FAT3: variants seen among roughly 807,000 people sequenced by gnomAD.
FAT3 encodes the protein protocadherin Fat 3.
Under a neutral mutation model 310.2 loss-of-function variants are expected in FAT3, and 95 were observed. The ratio of observed to expected loss-of-function variants is 0.31; its 90% CI spans 0.26 to 0.36. The LOEUF (loss-of-function observed/expected upper bound fraction) is 0.36. Among genes scored for constraint, FAT3 ranks in the 10% least tolerant of loss-of-function variants. The pLI is 1.00. For synonymous variants in FAT3, 2,314 were observed against 2,192.9 expected, an observed-to-expected ratio of 1.06 and a Z score of -1.54; for missense variants, 5,408 against 5,715.6, an observed-to-expected ratio of 0.95 and a Z score of 1.74.
intron 1 of FAT3, among the ~76,000 whole-genome samples, chr11:92,349,908 C>T (rs1948517095): frequency 6.6e-6 from 1 of 151,570 alleles, no homozygotes; most frequent in Admixed American, 6.6e-5. Context: ...AGATATCTTA[C>T]ATTCCCAGGC....
intron 1 of FAT3, among the ~76,000 whole-genome samples, 112 bp downstream of exon 1, chr11:92,225,286 G>C (rs1268759959): frequency 6.6e-6 from 1 of 152,184 alleles, no homozygotes; most frequent in Non-Finnish European, 1.5e-5. Context: ...AGGTGGGCTG[G>C]GGAGGCGAGA....
chr11:92,236,997 C>T (rs1459771145), intron 1 of FAT3, among the ~76,000 whole-genome samples: 3 of 150,778 alleles, frequency 2.0e-5, no homozygotes, highest in Non-Finnish European at 1.5e-5. Context: ...CGTTTTTTCC[C>T]TATTAACTCA....
At chr11:92,758,897 G>A (rs1946072729) in intron 4 of FAT3, among the ~76,000 whole-genome samples, 1 of 152,158 alleles carries the variant, frequency 6.6e-6, no homozygotes, top group African/African-American at 2.4e-5. Flanking sequence ...AGATAGGGGT[G>A]CCATTTATTA....
At chr11:92,583,554 T>TC (rs1367251615) in intron 3 of FAT3, among the ~76,000 whole-genome samples, 1 of 151,370 alleles carries the variant, frequency 6.6e-6, no homozygotes, top group East Asian at 2.0e-4. Flanking sequence ...GGCCTCCTTG[T>TC]CCCCCATTCT....
chr11:92,752,952 G>A (rs944626850), intron 4 of FAT3, among the ~76,000 whole-genome samples: 2 of 152,302 alleles, frequency 1.3e-5, no homozygotes, highest in South Asian at 4.2e-4. Flanking sequence ...AATCATCTGA[G>A]AGATAATTAT....
intron 5 of FAT3, 102 bp from the exon 6 acceptor site, chr11:92,764,777 T>C: frequency 9.6e-7 from 1 of 1,046,922 alleles, no homozygotes; most frequent in Non-Finnish European, 1.4e-6. Flanking sequence ...GCTGACACTG[T>C]GTTGAAGATG....
intron 1 of FAT3, among the ~76,000 whole-genome samples, chr11:92,247,669 A>G (rs1864974190): frequency 6.6e-6 from 1 of 150,570 alleles, no homozygotes; most frequent in African/African-American, 2.4e-5. Context: ...TCAACTCTGT[A>G]TTATGGCTGA....
chr11:92,229,111 A>G (rs1864039816), intron 1 of FAT3, among the ~76,000 whole-genome samples: 1 of 152,242 alleles, frequency 6.6e-6, no homozygotes, highest in Admixed American at 6.5e-5. Flanking sequence ...TAGAGTTAGC[A>G]GAGCCTCTGA....
At chr11:92,857,124 G>A in intron 19 of FAT3, 90 bp from the exon 20 acceptor site, 2 of 1,589,500 alleles carry the variant, frequency 1.3e-6, no homozygotes, top group South Asian at 1.1e-5. Flanking sequence ...TGAGCCATTT[G>A]TGTGTTCCCT....
At chr11:92,510,187 T>G (rs1165680765) in intron 2 of FAT3, among the ~76,000 whole-genome samples, 2 of 152,202 alleles carry the variant, frequency 1.3e-5, no homozygotes, top group African/African-American at 4.8e-5. Flanking sequence ...AGAAATAGAA[T>G]CCAGTGACCA....
chr11:92,874,959 T>A (rs1367095575), intron 22 of FAT3, among the ~76,000 whole-genome samples: 1 of 152,138 alleles, frequency 6.6e-6, no homozygotes, highest in African/African-American at 2.4e-5. Flanking sequence ...ATGAAAGTGA[T>A]TTAAAAACAC....
rs1005583963 is a variant in FAT3 at position 92,355,409 on chromosome 11, G to C, written c.3292+5G>C. 6.3e-7 allele frequency: 1 copy of C among 1,598,482 alleles called. No homozygotes were observed. Among genetic ancestry groups the C allele is most frequent in the Non-Finnish European group, 8.6e-7 (1 of 1,169,158 alleles). On this transcript the variant is annotated splice_donor_5th_base_variant and intron_variant, in intron 2 of 27. Transcript: ENST00000525166. ...TCAGTATAGACGACGAGAGTGGTAA[G>C]TGTAATATTTTGTGCCAAGAGTGTT... is the stretch of plus-strand genomic sequence containing the variant.
chr11:92,673,695 T>C (rs1943200290), intron 3 of FAT3, among the ~76,000 whole-genome samples: 1 of 152,140 alleles, frequency 6.6e-6, no homozygotes, highest in Non-Finnish European at 1.5e-5. Flanking sequence ...TTTTCTTAGC[T>C]ATGACATGAT....
At chr11:92,790,600 A>T (rs890131328) in intron 8 of FAT3, among the ~76,000 whole-genome samples, 1 of 152,198 alleles carries the variant, frequency 6.6e-6, no homozygotes, top group African/African-American at 2.4e-5. Context: ...GTAATCATTT[A>T]CTCAGCCTAT....
chr11:92,361,765 T>C (rs1034228500), intron 2 of FAT3, among the ~76,000 whole-genome samples: 19 of 152,192 alleles, frequency 1.2e-4, no homozygotes, highest in African/African-American at 4.6e-4. Context: ...TAGAATAGCA[T>C]GACATAGCAC....
intron 2 of FAT3, among the ~76,000 whole-genome samples, chr11:92,503,478 A>G (rs79516563): frequency 0.038 from 5,733 of 152,136 alleles, 148 homozygotes; most frequent in East Asian, 0.084. Context: ...ATGAGATAGT[A>G]TTCCTATTTT....
chr11:92,762,184 A>G lies in FAT3; in HGVS notation c.3984+14A>G, dbSNP rs2136086815. 3 of 1,600,676 alleles carry G rather than the reference A, an allele frequency of 1.9e-6. No homozygotes were observed. In the Middle Eastern group the frequency reaches 5.0e-4, roughly 268 times the overall value. The stretch of plus-strand genomic sequence containing the variant: ...GACATCCTAACGGTAAGATCTTCCA[A>G]ACTCCAGCAGCACAGCAGATGGGGG... On this transcript the variant is annotated intron_variant, in intron 5 of 27. Transcript: ENST00000525166.
chr11:92,557,117 A>G, intron 3 of FAT3, among the ~76,000 whole-genome samples: 1 of 151,610 alleles, frequency 6.6e-6, no homozygotes, highest in East Asian at 2.0e-4. Context: ...TCTACTTGAA[A>G]CTTTTCTACT....
intron 19 of FAT3, among the ~76,000 whole-genome samples, chr11:92,855,712 T>C (rs1231650475): frequency 6.6e-6 from 1 of 152,202 alleles, no homozygotes; most frequent in Admixed American, 6.5e-5. Context: ...CATTTAAGTA[T>C]TATAGAACCA....
Sources: gnomAD v4.1 joint callset for allele counts (sites outside exome capture counted in the v4.1 genomes callset) on GRCh38, gnomAD v4.1.1 for gene constraint, MANE v1.5 for transcripts, NCBI Gene and HGNC (gene_info 2026-07-23, HGNC 2026-07-21) for gene names.